Variants in HIVEP3 observed in about 807,000 individuals in gnomAD.
The protein encoded by HIVEP3 is HIVEP zinc finger 3.
In HIVEP3, 49 loss-of-function variants were observed where a neutral mutation model predicts 152.8. The ratio of observed to expected loss-of-function variants is 0.32; its 90% CI spans 0.26 to 0.41. The LOEUF (loss-of-function observed/expected upper bound fraction) is 0.41. HIVEP3 is among the 10% of genes least tolerant of loss of function. The pLI, the probability that HIVEP3 is intolerant of heterozygous loss-of-function variation, is 1.00. For missense variants in HIVEP3, 2,790 were observed against 3,103.3 expected, an observed-to-expected ratio of 0.90 and a Z score of 2.40; for synonymous variants, 1,269 against 1,289.0, an observed-to-expected ratio of 0.98 and a Z score of 0.33.
chr1:41,807,507 C>T (rs953773539), intron 1 of HIVEP3, among the ~76,000 whole-genome samples: 2 of 152,058 alleles, frequency 1.3e-5, no homozygotes, highest in Non-Finnish European at 2.9e-5. Context: ...ACACAGGATC[C>T]CTACAGAATC....
At chr1:41,719,006 C>T (rs184549114) in intron 1 of HIVEP3, among the ~76,000 whole-genome samples, 7 of 152,348 alleles carry the variant, frequency 4.6e-5, no homozygotes, top group African/African-American at 1.7e-4. Context: ...AGAAGGGCAA[C>T]AGCCCATGGC....
At chr1:41,966,575 G>A (rs1019892286) in intron 1 of HIVEP3, among the ~76,000 whole-genome samples, 2 of 144,550 alleles carry the variant, frequency 1.4e-5, no homozygotes, top group African/African-American at 2.6e-5. Flanking sequence ...CTGGGTTCAC[G>A]CCATTCTCCT....
At chr1:41,575,909 G>A (rs1392559801) in intron 4 of HIVEP3, among the ~76,000 whole-genome samples, 1 of 152,206 alleles carries the variant, frequency 6.6e-6, no homozygotes, top group Admixed American at 6.5e-5. Flanking sequence ...ATTAGTTGGT[G>A]TTACAGCTGG....
chr1:42,003,786 C>CAA (rs112079993), intron 1 of HIVEP3, among the ~76,000 whole-genome samples: 5 of 104,208 alleles, frequency 4.8e-5, no homozygotes, highest in South Asian at 3.0e-4. Flanking sequence ...CTTTTTAGGG[C>CAA]AAAAAAAAAA....
chr1:41,634,189 A>G (rs1006694722), intron 2 of HIVEP3, among the ~76,000 whole-genome samples: 1 of 152,226 alleles, frequency 6.6e-6, no homozygotes, highest in Non-Finnish European at 1.5e-5. Flanking sequence ...TAAGTAATTC[A>G]AAAAAGGACA....
intron 1 of HIVEP3, among the ~76,000 whole-genome samples, chr1:41,856,879 G>T (rs1643782888): frequency 6.6e-6 from 1 of 152,118 alleles, no homozygotes; most frequent in Non-Finnish European, 1.5e-5. Context: ...GCCTGGGGTT[G>T]CAAAAGAAAA....
chr1:41,766,704 G>T (rs1648030975), intron 1 of HIVEP3, among the ~76,000 whole-genome samples: 1 of 152,216 alleles, frequency 6.6e-6, no homozygotes, highest in Non-Finnish European at 1.5e-5. Flanking sequence ...TGCTGTGTTG[G>T]CTCAGTCCAG....
intron 1 of HIVEP3, among the ~76,000 whole-genome samples, chr1:41,857,556 C>T (rs1315915128): frequency 6.6e-6 from 1 of 152,040 alleles, no homozygotes; most frequent in Non-Finnish European, 1.5e-5. Context: ...ACGTTTAGGC[C>T]CTTTCTAAAT....
chr1:42,014,902 T>G (rs1645513210), intron 1 of HIVEP3, among the ~76,000 whole-genome samples: 1 of 152,186 alleles, frequency 6.6e-6, no homozygotes, highest in Non-Finnish European at 1.5e-5. Flanking sequence ...TCCTGTACAG[T>G]CATGTCCAGA....
chr1:41,798,160 G>A (rs1294145448), intron 1 of HIVEP3, among the ~76,000 whole-genome samples: 1 of 151,962 alleles, frequency 6.6e-6, no homozygotes, highest in African/African-American at 2.4e-5. Context: ...GAGTGGGGAG[G>A]GATAGCATTA....
At chr1:41,827,082 C>T (rs1322655494) in intron 1 of HIVEP3, among the ~76,000 whole-genome samples, 3 of 152,154 alleles carry the variant, frequency 2.0e-5, no homozygotes, top group African/African-American at 7.2e-5. Context: ...AGGAGAAACA[C>T]CCAGGAAGAT....
Position 41,579,873 on chromosome 1 carries a change from AC to A in HIVEP3, c.4924del (p.Val1642PhefsTer10). 6.2e-7 allele frequency: 1 copy of A among 1,614,104 alleles called. No individual in the cohort carries two copies. The highest frequency in any genetic ancestry group is 8.5e-7 in the Non-Finnish European group (1 of 1,180,012). ...ISLYNPNLPGVSTKAALSLLR... is the reference protein window; with the variant it reads ...ISLYNPNLPGXSTKAALSLLR... ...GAGGGACAAAGCAGCTTTAGTGGAA[AC>A]CCCCGGAAGGTTGGGGTTGTACAAA... On this transcript the variant is annotated frameshift_variant, in exon 4 of 9. Transcript: ENST00000372583. LOFTEE classifies it high-confidence loss of function.
At chr1:41,894,819 C>A (rs1048945204) in intron 1 of HIVEP3, among the ~76,000 whole-genome samples, 4 of 152,104 alleles carry the variant, frequency 2.6e-5, no homozygotes, top group Non-Finnish European at 1.5e-5. Flanking sequence ...TTTGAAAGGT[C>A]CCAAGTCTGT....
At chr1:41,617,215 A>G (rs1644982237) in intron 3 of HIVEP3, among the ~76,000 whole-genome samples, 1 of 143,340 alleles carries the variant, frequency 7.0e-6, no homozygotes, top group South Asian at 2.3e-4. Flanking sequence ...TTTGCCATAA[A>G]CATCCTTTAT....
intron 5 of HIVEP3, among the ~76,000 whole-genome samples, chr1:41,525,391 G>A (rs1642872431): frequency 2.6e-5 from 4 of 152,202 alleles, no homozygotes; most frequent in Admixed American, 2.0e-4. Flanking sequence ...TCACCATGGA[G>A]AGCCTGTGAG....
rs760945892 is a variant in HIVEP3 at position 41,581,376 on chromosome 1, G to T, written c.3422C>A (p.Pro1141Gln). The change falls in exon 4 of 9, where the codon CCA becomes CAA. Residue 1141 changes from proline to glutamine, a missense_variant. By Grantham distance (76) the Pro-to-Gln change is moderately conservative (BLOSUM62 -1). Around this residue, in one of 9 missense-constraint regions of HIVEP3, gnomAD observed 1,078 missense variants for 1,165.3 expected, o/e 0.93. Coordinates refer to ENST00000372583, the MANE Select transcript of HIVEP3 (RefSeq NM_024503.5). The surrounding 1 kb of genome is among the most constrained non-coding windows in gnomAD (Gnocchi z 4.5). ...CTGGAAGGAGAAAAGGGAGACTGGT[G>T]GGGGCAGGTATGGCTTCTCATGCAG... ...TPLHEKPYLP[P>Q]PVSLFSFQHL... The T allele has an allele frequency of 6.2e-6, 10 of 1,612,860 alleles. No homozygotes were observed. Among genetic ancestry groups the T allele is most frequent in the Non-Finnish European group, 7.6e-6 (9 of 1,179,454 alleles).
At chr1:41,991,312 G>A (rs1366071464) in intron 1 of HIVEP3, among the ~76,000 whole-genome samples, 1 of 150,668 alleles carries the variant, frequency 6.6e-6, no homozygotes, top group Non-Finnish European at 1.5e-5. Flanking sequence ...ATGATAAAGG[G>A]GATATCACCA....
At chr1:41,590,735 G>C (rs966485631) in intron 3 of HIVEP3, among the ~76,000 whole-genome samples, 2 of 152,226 alleles carry the variant, frequency 1.3e-5, no homozygotes, top group South Asian at 4.1e-4. Flanking sequence ...GTCTAGGTAA[G>C]TGGGGACACA....
intron 1 of HIVEP3, among the ~76,000 whole-genome samples, chr1:41,834,913 G>A (rs1015605057): frequency 6.6e-6 from 1 of 152,182 alleles, no homozygotes; most frequent in African/African-American, 2.4e-5. Flanking sequence ...TGTGCTTGGG[G>A]ACAGGAGAGC....
Sources: allele counts gnomAD v4.1 joint callset (sites outside exome capture counted in the v4.1 genomes callset), GRCh38; gene constraint gnomAD v4.1.1; regional missense constraint gnomAD v4.1.1; non-coding constraint Gnocchi (gnomAD v3.1); transcripts MANE v1.5; gene names NCBI Gene and HGNC (gene_info 2026-07-23, HGNC 2026-07-21).